Variants in PDE11A observed in about 807,000 individuals in gnomAD.
The protein encoded by PDE11A is phosphodiesterase 11A.
Under a neutral mutation model 100.5 loss-of-function variants are expected in PDE11A, and 100 were observed. That is an observed-to-expected ratio of 1.00 (90% CI 0.85 to 1.18). PDE11A has a LOEUF of 1.18. Ranked by LOEUF, PDE11A falls within the 50% of genes most tolerant of loss-of-function variation. The pLI is 0.00. For synonymous variants in PDE11A, 381 were observed against 420.8 expected (o/e 0.91, Z 1.16); for missense variants, 1,141 against 1,152.6 (o/e 0.99, Z 0.15).
At chr2:177,654,390 G>C (rs772023084) in intron 19 of PDE11A, among the ~76,000 whole-genome samples, 1 of 152,152 alleles carries the variant, frequency 6.6e-6, no homozygotes, top group Non-Finnish European at 1.5e-5. Context: ...GTGTGGTGGC[G>C]TGTGCCTATA....
chr2:177,695,015 G>GT (rs2081089454), intron 15 of PDE11A, among the ~76,000 whole-genome samples: 1 of 147,072 alleles, frequency 6.8e-6, no homozygotes, highest in Non-Finnish European at 1.5e-5. Flanking sequence ...TTTTCTGTTT[G>GT]TTTGGCCTCT....
chr2:177,906,065 C>T lies in PDE11A; in HGVS notation c.1072-878G>A, dbSNP rs904918468. On this transcript the variant is annotated intron_variant, in intron 2 of 19. Coordinates refer to ENST00000286063, the MANE Select transcript of PDE11A (RefSeq NM_016953.4). Reference sequence around the variant, plus strand: ...GAAAGAACTATTTCCCTAAATTCTTCGCAATGTAGATGAAACAAGTGACAT... The same window carrying T: ...GAAAGAACTATTTCCCTAAATTCTTTGCAATGTAGATGAAACAAGTGACAT... 2.0e-5 allele frequency among the ~76,000 whole-genome samples: 3 copies of T among 152,116 alleles called. No homozygotes were observed. The South Asian group carries it at 6.2e-4, about 32-fold the overall frequency.
chr2:177,653,733 C>A (rs115695511), intron 19 of PDE11A, among the ~76,000 whole-genome samples: 1 of 152,160 alleles, frequency 6.6e-6, no homozygotes, highest in Non-Finnish European at 1.5e-5. Flanking sequence ...TCCCTCAGAG[C>A]CTTCACAAGG....
At chr2:177,724,930 G>T (rs546785248) in intron 12 of PDE11A, among the ~76,000 whole-genome samples, 6 of 151,966 alleles carry the variant, frequency 3.9e-5, no homozygotes, top group Admixed American at 2.6e-4. Context: ...TGAATCCAAT[G>T]GTTGGTACAT....
rs372167577 is a variant in PDE11A at position 177,711,804 on chromosome 2, G to A, written c.2118C>T (p.Leu706=). 2.1e-5 allele frequency: 34 copies of A among 1,608,540 alleles called. No individual in the cohort carries two copies. The highest frequency in any genetic ancestry group is 1.2e-4 in the Admixed American group (7 of 59,996). ...AVIVGCLCHD[L]DHRGTNNAFQ... is the part of the protein sequence containing the mutation. The stretch of plus-strand genomic sequence containing the variant: ...AGGCATTGTTGGTTCCCCTGTGGTC[G>A]AGGTCATGACACAGGCATCCCACAA... Residue 706 remains leucine, a synonymous_variant, in exon 13 of 20, where the codon CTC becomes CTT. Transcript: ENST00000286063.
chr2:177,884,601 G>A (rs2084397179), intron 4 of PDE11A, among the ~76,000 whole-genome samples: 1 of 152,188 alleles, frequency 6.6e-6, no homozygotes, highest in Admixed American at 6.5e-5. Context: ...CGCAAGTTAA[G>A]TTAGAAGCAG....
At chr2:177,848,771 G>A (rs912009483) in intron 5 of PDE11A, among the ~76,000 whole-genome samples, 8 of 151,942 alleles carry the variant, frequency 5.3e-5, no homozygotes, top group Admixed American at 2.6e-4. Flanking sequence ...AAATCAATAC[G>A]AGCAAAGAAA....
chr2:177,984,594 C>T (rs1396799224), intron 2 of PDE11A, among the ~76,000 whole-genome samples: 1 of 152,022 alleles, frequency 6.6e-6, no homozygotes, highest in Non-Finnish European at 1.5e-5. Context: ...TTTTTAACTC[C>T]TCCATGGTTA....
At chr2:177,897,751 T>C (rs2084632520) in intron 4 of PDE11A, among the ~76,000 whole-genome samples, 1 of 152,200 alleles carries the variant, frequency 6.6e-6, no homozygotes, top group African/African-American at 2.4e-5. Flanking sequence ...GAGTTTATCT[T>C]CTAATGGAGC....
At chr2:177,809,262 T>C (rs1463406036) in intron 9 of PDE11A, among the ~76,000 whole-genome samples, 1 of 152,118 alleles carries the variant, frequency 6.6e-6, no homozygotes, top group Non-Finnish European at 1.5e-5. Context: ...AGTCATAAAT[T>C]TCATGTGTTT....
chr2:177,806,954 G>A (rs571128294), intron 9 of PDE11A, among the ~76,000 whole-genome samples: 24 of 152,106 alleles, frequency 1.6e-4, no homozygotes, highest in Admixed American at 3.9e-4. Flanking sequence ...CAACATATAC[G>A]TAACTGGGTC....
intron 9 of PDE11A, among the ~76,000 whole-genome samples, chr2:177,788,939 C>T (rs547530660): frequency 6.6e-6 from 1 of 152,254 alleles, no homozygotes; most frequent in South Asian, 2.1e-4. Flanking sequence ...GATGGATTCA[C>T]AGCCGAATTC....
chr2:177,950,199 T>C (rs1449247298), intron 2 of PDE11A, among the ~76,000 whole-genome samples: 1 of 151,496 alleles, frequency 6.6e-6, no homozygotes, highest in Non-Finnish European at 1.5e-5. Context: ...AACAATACTT[T>C]CCTACTTTCT....
chr2:177,858,401 G>GA (rs202199119), intron 5 of PDE11A, among the ~76,000 whole-genome samples: 126 of 140,354 alleles, frequency 9.0e-4, no homozygotes, highest in East Asian at 3.3e-3. Context: ...AAATTTACAA[G>GA]AAAAAAAAAA....
chr2:177,783,974 C>A, intron 9 of PDE11A, among the ~76,000 whole-genome samples: 1 of 152,042 alleles, frequency 6.6e-6, no homozygotes, highest in Non-Finnish European at 1.5e-5. Flanking sequence ...CCAGCCTGTG[C>A]CACTGCAGGA....
intron 2 of PDE11A, among the ~76,000 whole-genome samples, chr2:177,935,728 T>C (rs1322779501): frequency 1.3e-5 from 2 of 152,166 alleles, no homozygotes; most frequent in African/African-American, 4.8e-5. Context: ...GCTTGAGACT[T>C]GGAGCCAGAA....
intron 2 of PDE11A, among the ~76,000 whole-genome samples, chr2:178,086,942 A>T (rs1357768109): frequency 6.6e-6 from 1 of 152,224 alleles, no homozygotes; most frequent in Non-Finnish European, 1.5e-5. Context: ...CCAAAGGAAA[A>T]GAAATAATTG....
intron 9 of PDE11A, among the ~76,000 whole-genome samples, chr2:177,783,001 C>T (rs2105520512): frequency 6.6e-6 from 1 of 152,240 alleles, no homozygotes; most frequent in South Asian, 2.1e-4. Flanking sequence ...ATAGATTTTG[C>T]CCCTGCCACC....
At position 177,626,770 on chromosome 2, in the gene PDE11A, C is replaced by G. The variant is rs2079838820; in HGVS notation, c.*2637G>C. Reference sequence around the variant, plus strand: ...TTATTTTTTAGGGCTCTCACTCCTTCCTTCTCCCCTTTCTCAAACCCCTCC... The same window carrying G: ...TTATTTTTTAGGGCTCTCACTCCTTGCTTCTCCCCTTTCTCAAACCCCTCC... On this transcript the variant is annotated 3_prime_UTR_variant, in exon 20 of 20. Coordinates refer to ENST00000286063, the MANE Select transcript of PDE11A (RefSeq NM_016953.4). 6.6e-6 allele frequency: 1 copy of G among 152,170 alleles called. No homozygotes were observed. The highest frequency in any genetic ancestry group is 6.6e-5 in the Admixed American group (1 of 15,254). The allele number at this position is 152,170 out of a possible 1,614,324, so 9.4% of individuals were successfully genotyped here. A position where few individuals can be genotyped will look rare whatever the true frequency, so the allele number is the denominator to read the frequency against.
Sources: allele counts gnomAD v4.1 joint callset (sites outside exome capture counted in the v4.1 genomes callset), GRCh38; gene constraint gnomAD v4.1.1; transcripts MANE v1.5; gene names NCBI Gene and HGNC (gene_info 2026-07-23, HGNC 2026-07-21).